TSPAN9: variants seen among roughly 807,000 people sequenced by gnomAD.
The protein encoded by TSPAN9 is tetraspanin 9.
In TSPAN9, 16 loss-of-function variants were observed where a neutral mutation model predicts 31.0. The observed-to-expected ratio is 0.52, with a 90% confidence interval of 0.35 to 0.78. TSPAN9 has a LOEUF of 0.78. Ranked by LOEUF, TSPAN9 falls within the 30% of genes least tolerant of loss-of-function variation. The probability of loss-of-function intolerance (pLI) is 0.01; values close to 1 mark genes in which losing one functional copy is unlikely to be tolerated. For missense variants in TSPAN9, 272 were observed against 312.5 expected (o/e 0.87, Z 0.98); for synonymous variants, 145 against 121.6 (o/e 1.19, Z -1.27).
intron 2 of TSPAN9, among the ~76,000 whole-genome samples, chr12:3,196,009 C>T (rs949301463): frequency 6.6e-6 from 1 of 152,300 alleles, no homozygotes; most frequent in African/African-American, 2.4e-5. Context: ...GAAGGTGGGT[C>T]GCTTCAGCTA....
intron 3 of TSPAN9, among the ~76,000 whole-genome samples, chr12:3,208,174 G>A (rs1251841633): frequency 6.6e-6 from 1 of 152,214 alleles, no homozygotes; most frequent in Non-Finnish European, 1.5e-5. Flanking sequence ...AGGTGCCCAC[G>A]GGTTGGAGTA....
intron 2 of TSPAN9, among the ~76,000 whole-genome samples, chr12:3,159,747 C>G (rs753205257): frequency 1.6e-4 from 24 of 152,270 alleles, no homozygotes; most frequent in Non-Finnish European, 3.2e-4. Flanking sequence ...AAGATAGAAA[C>G]AAACACAGAG....
intron 2 of TSPAN9, among the ~76,000 whole-genome samples, chr12:3,097,211 C>A (rs147132887): frequency 6.6e-6 from 1 of 152,192 alleles, no homozygotes; most frequent in Admixed American, 6.5e-5. Flanking sequence ...TTCTCTCCCC[C>A]TCCCATGCCT....
chr12:3,194,679 G>T (rs531474051), intron 2 of TSPAN9, among the ~76,000 whole-genome samples: 1 of 152,308 alleles, frequency 6.6e-6, no homozygotes, highest in African/African-American at 2.4e-5. Flanking sequence ...GAGCAACCAT[G>T]CCTGGCCTTT....
intron 2 of TSPAN9, among the ~76,000 whole-genome samples, chr12:3,195,487 C>T (rs1490399538): frequency 2.6e-5 from 4 of 152,144 alleles, no homozygotes; most frequent in Non-Finnish European, 5.9e-5. Context: ...TCAGAGAGCC[C>T]CCTGAAGGGC....
At chr12:3,215,464 G>A (rs1366123227) in intron 3 of TSPAN9, 1 of 152,244 alleles carries the variant, frequency 6.6e-6, no homozygotes, top group Non-Finnish European at 1.5e-5. Context: ...CCTAGGAAGG[G>A]TTCTGCTGAT....
At chr12:3,179,542 CAT>C (rs2098357634) in intron 2 of TSPAN9, among the ~76,000 whole-genome samples, 1 of 152,138 alleles carries the variant, frequency 6.6e-6, no homozygotes, top group South Asian at 2.1e-4. Context: ...CTACTCTAGA[CAT>C]GTGAGGCAGA....
At chr12:3,134,618 A>G (rs1420380969) in intron 2 of TSPAN9, among the ~76,000 whole-genome samples, 1 of 151,936 alleles carries the variant, frequency 6.6e-6, no homozygotes, top group Non-Finnish European at 1.5e-5. Context: ...GGCCCTCTGG[A>G]GGGATGGAGG....
At chr12:3,182,246 A>G (rs1029085238) in intron 2 of TSPAN9, among the ~76,000 whole-genome samples, 1 of 151,682 alleles carries the variant, frequency 6.6e-6, no homozygotes, top group Non-Finnish European at 1.5e-5. Flanking sequence ...TGCTTGGGGG[A>G]TGCTCTGCTT....
At chr12:3,182,893 G>A (rs2098359184) in intron 2 of TSPAN9, among the ~76,000 whole-genome samples, 5 of 152,216 alleles carry the variant, frequency 3.3e-5, no homozygotes, top group Admixed American at 3.3e-4. Flanking sequence ...AGCCAGTCAG[G>A]AGCTGAGCAC....
chr12:3,162,889 C>T (rs1438677032), intron 2 of TSPAN9, among the ~76,000 whole-genome samples: 4 of 152,196 alleles, frequency 2.6e-5, no homozygotes, highest in African/African-American at 9.6e-5. Flanking sequence ...AGGCCCCAGG[C>T]AGCCTATTGG....
chr12:3,212,320 TC>T (rs1463194897), intron 3 of TSPAN9, among the ~76,000 whole-genome samples: 1 of 152,258 alleles, frequency 6.6e-6, no homozygotes, highest in Admixed American at 6.5e-5. Flanking sequence ...CTTATCTATT[TC>T]TATTCATGAA....
chr12:3,133,103 C>T (rs998134058), intron 2 of TSPAN9, among the ~76,000 whole-genome samples: 6 of 152,122 alleles, frequency 3.9e-5, no homozygotes, highest in African/African-American at 1.4e-4. Context: ...AAAGACTGTC[C>T]CTCGGTGAAG....
intron 3 of TSPAN9, among the ~76,000 whole-genome samples, chr12:3,222,854 C>A (rs935920300): frequency 6.6e-6 from 1 of 152,216 alleles, no homozygotes; most frequent in Admixed American, 6.5e-5. Context: ...ACCAGCTGAC[C>A]CTGATCCTCA....
chr12:3,270,412 G>T (rs148312567), intron 3 of TSPAN9, among the ~76,000 whole-genome samples: 3 of 152,340 alleles, frequency 2.0e-5, no homozygotes, highest in South Asian at 2.1e-4. Context: ...AGGCATCGCC[G>T]TGTTGGGGAC....
chr12:3,114,600 T>C (rs1420036459), intron 2 of TSPAN9, among the ~76,000 whole-genome samples: 1 of 152,064 alleles, frequency 6.6e-6, no homozygotes, highest in African/African-American at 2.4e-5. Context: ...CCCAGCACTT[T>C]GGGAGGCTGA....
At chr12:3,127,133 G>A (rs1207380088) in intron 2 of TSPAN9, among the ~76,000 whole-genome samples, 1 of 151,418 alleles carries the variant, frequency 6.6e-6, no homozygotes, top group Non-Finnish European at 1.5e-5. Context: ...AGGTGTGGAG[G>A]CTCACGACTA....
chr12:3,177,893 G>A (rs2098356682), intron 2 of TSPAN9, among the ~76,000 whole-genome samples: 1 of 152,184 alleles, frequency 6.6e-6, no homozygotes, highest in South Asian at 2.1e-4. Context: ...GGCGGGTGAC[G>A]GCCAGTGTCC....
chr12:3,280,403 G>A lies in TSPAN9; in HGVS notation c.352G>A (p.Asp118Asn), dbSNP rs1206159349. ...GCAGGTGAACGAGAACGCCAAGAAG[G>A]ACCTGAAGGAAGGCCTGCTGCTGTA... Reference protein sequence around the residue: ...MDKVNENAKKDLKEGLLLYHT... With the variant: ...MDKVNENAKKNLKEGLLLYHT... The change falls in exon 6 of 9, where the codon GAC becomes AAC. Residue 118 changes from aspartate to asparagine, a missense_variant. Coordinates refer to ENST00000011898, the MANE Select transcript of TSPAN9 (RefSeq NM_006675.5). The surrounding 1 kb of genome is among the most constrained non-coding windows in gnomAD (Gnocchi z 4.5). 1 of 1,613,372 alleles carries A rather than the reference G, an allele frequency of 6.2e-7. No individual in the cohort carries two copies. The highest frequency in any genetic ancestry group is 1.7e-4 in the Middle Eastern group (1 of 6,060).
Sources: gnomAD v4.1 joint callset for allele counts (sites outside exome capture counted in the v4.1 genomes callset) on GRCh38, gnomAD v4.1.1 for gene constraint, Gnocchi (gnomAD v3.1) non-coding constraint, MANE v1.5 for transcripts, NCBI Gene and HGNC (gene_info 2026-07-23, HGNC 2026-07-21) for gene names.